The following PRIMPOL variants were observed in gnomAD, a reference collection of about 807,000 sequenced individuals.
PRIMPOL encodes the protein DNA-directed primase/polymerase protein.
In PRIMPOL, 54 loss-of-function variants were observed where a neutral mutation model predicts 63.6. That is an observed-to-expected ratio of 0.85 (90% CI 0.68 to 1.07). PRIMPOL has a LOEUF of 1.07. Among genes scored for constraint, PRIMPOL ranks in the 50% least tolerant of loss-of-function variants. The probability of loss-of-function intolerance (pLI) is 0.00; values close to 1 mark genes in which losing one functional copy is unlikely to be tolerated. For missense variants in PRIMPOL, 610 were observed against 648.3 expected (o/e 0.94, Z 0.64); for synonymous variants, 197 against 220.2 (o/e 0.89, Z 0.93).
At chr4:184,690,642 T>A (rs1237811585) in intron 11 of PRIMPOL, among the ~76,000 whole-genome samples, 2 of 152,160 alleles carry the variant, frequency 1.3e-5, no homozygotes, top group Non-Finnish European at 1.5e-5. Flanking sequence ...GTATTTTCAG[T>A]ATAGACGGGG....
intron 7 of PRIMPOL, among the ~76,000 whole-genome samples, chr4:184,674,278 T>C (rs1427584871): frequency 1.3e-5 from 2 of 152,180 alleles, no homozygotes; most frequent in Non-Finnish European, 2.9e-5. Flanking sequence ...TTTCATAATA[T>C]ATGCTGAAAT....
intron 11 of PRIMPOL, among the ~76,000 whole-genome samples, chr4:184,686,925 C>T (rs1385722970): frequency 1.3e-5 from 2 of 152,134 alleles, no homozygotes; most frequent in African/African-American, 4.8e-5. Context: ...TATCAGTTGA[C>T]GTTTCTTCTG....
rs1262426256 is a variant in PRIMPOL, at chr4:184,665,967, A to G, written c.459A>G (p.Glu153=). The change falls in exon 6 of 14, where the codon GAA becomes GAG. Residue 153 remains glutamate, a synonymous_variant. Coordinates refer to ENST00000314970, the MANE Select transcript of PRIMPOL (RefSeq NM_152683.4). ...QELYGVNCSA[E]DVLNLDSSTD... ...TATACGGTGTTAATTGCTCAGCTGA[A>G]GATGTTTTGAACTTGGATTCTAGCA... 1.2e-6 allele frequency: 2 copies of G among 1,610,896 alleles called. No homozygotes were observed. Among genetic ancestry groups the G allele is most frequent in the African/African-American group, 2.7e-5 (2 of 74,990 alleles).
chr4:184,669,962 G>C (rs1260937483), intron 6 of PRIMPOL, among the ~76,000 whole-genome samples: 1 of 152,198 alleles, frequency 6.6e-6, no homozygotes, highest in East Asian at 1.9e-4. Context: ...AGAGAATTCA[G>C]TTAAATGTAA....
intron 10 of PRIMPOL, 29 bp downstream of exon 10, chr4:184,685,527 G>T (rs758471902): frequency 5.7e-6 from 9 of 1,592,280 alleles, no homozygotes; most frequent in Non-Finnish European, 7.8e-6. Flanking sequence ...TTTGTTAACT[G>T]TTATATGATA....
At chr4:184,678,474 G>T in intron 8 of PRIMPOL, 80 bp downstream of exon 8, 25 of 842,520 alleles carry the variant, frequency 3.0e-5, no homozygotes, top group Non-Finnish European at 3.4e-5. Flanking sequence ...TTACTAAAAT[G>T]TAAATCATCT....
chr4:184,652,844 A>G (rs995666550), intron 2 of PRIMPOL, among the ~76,000 whole-genome samples: 1 of 150,216 alleles, frequency 6.7e-6, no homozygotes, highest in Admixed American at 6.7e-5. Flanking sequence ...CAGTGATGAG[A>G]AAAAAAGAAA....
chr4:184,667,918 G>A (rs144125473), intron 6 of PRIMPOL, among the ~76,000 whole-genome samples: 1 of 152,234 alleles, frequency 6.6e-6, no homozygotes, highest in East Asian at 1.9e-4. Context: ...AGGTGCATGA[G>A]CCGTGTGGTT....
rs2696045 is a variant in PRIMPOL at position 184,674,818 on chromosome 4, G to T, written c.844+2358G>T. Among the ~76,000 whole-genome samples the T allele has an allele frequency of 3.4e-3, 525 of 152,280 alleles. 5 individuals are homozygous for T. The highest frequency in any genetic ancestry group is 0.012 in the African/African-American group (507 of 41,548). On this transcript the variant is annotated intron_variant, in intron 7 of 13. Coordinates refer to ENST00000314970, the MANE Select transcript of PRIMPOL (RefSeq NM_152683.4). Reference sequence around the variant, plus strand: ...TGTATTTGTCGATACTGTAAGTTTAGGTCATCTGTTTACACGACGAATCAT... The same window carrying T: ...TGTATTTGTCGATACTGTAAGTTTATGTCATCTGTTTACACGACGAATCAT...
chr4:184,654,380 C>T (rs558250612), intron 2 of PRIMPOL, among the ~76,000 whole-genome samples: 1 of 151,706 alleles, frequency 6.6e-6, no homozygotes, highest in South Asian at 2.1e-4. Context: ...GCACGTGAAG[C>T]AGATCAAAGT....
At chr4:184,686,392 C>A (rs992404989) in intron 11 of PRIMPOL, among the ~76,000 whole-genome samples, 5 of 152,094 alleles carry the variant, frequency 3.3e-5, no homozygotes, top group Non-Finnish European at 2.9e-5. Flanking sequence ...GAAGGGATCT[C>A]CTCAGTTAGT....
intron 6 of PRIMPOL, among the ~76,000 whole-genome samples, chr4:184,667,319 C>CTT (rs10661298): frequency 0.99 from 149,100 of 150,680 alleles, 73,783 homozygotes; most frequent in South Asian, 1. Flanking sequence ...GAAAGTGAGA[C>CTT]TTTTTTTTTG....
At position 184,651,012 on chromosome 4, in the gene PRIMPOL, C is replaced by G. The variant is rs570404917; in HGVS notation, c.-137-1011C>G. ...GGCCGAGTTTAAAGAGGTTAAGTCC[C>G]GGCGCGGTGGCTCATGCCTGTAATC... On this transcript the variant is annotated intron_variant, in intron 1 of 13. Transcript: ENST00000314970. Among the ~76,000 whole-genome samples the G allele has an allele frequency of 3.3e-5, 5 of 151,792 alleles. No individual in the cohort carries two copies. The South Asian group carries it at 8.3e-4, about 25-fold the overall frequency.
At chr4:184,694,329 C>T in intron 13 of PRIMPOL, 193 bp from the exon 14 acceptor site, 2 of 1,353,454 alleles carry the variant, frequency 1.5e-6, no homozygotes, top group Non-Finnish European at 1.9e-6. Flanking sequence ...TGTGTCTGAG[C>T]TTCAGTGCAG....
Position 184,657,287 on chromosome 4 carries a change from T to C in PRIMPOL, c.147T>C (p.Ala49=). The part of the protein sequence containing the change: ...PSIWRLFHRQ[A]QAFNFVKSCK... ...TCTGGAGACTATTTCATCGACAAGCTCAAGCTTTTAATTTTGTTAAAAGCT... is the reference window on the plus strand; with the variant it reads ...TCTGGAGACTATTTCATCGACAAGCCCAAGCTTTTAATTTTGTTAAAAGCT... The change falls in exon 3 of 14, where the codon GCT becomes GCC. Residue 49 remains alanine, a synonymous_variant. Coordinates refer to ENST00000314970, the MANE Select transcript of PRIMPOL (RefSeq NM_152683.4). 6.2e-7 allele frequency: 1 copy of C among 1,611,820 alleles called. No homozygotes were observed. The highest frequency in any genetic ancestry group is 8.5e-7 in the Non-Finnish European group (1 of 1,179,248).
rs1034757510 is a variant in PRIMPOL at position 184,685,665 on chromosome 4, C to T, written c.1276C>T (p.His426Tyr). Residue 426 changes from histidine to tyrosine, a missense_variant, in exon 11 of 14, where the codon CAT becomes TAT. His to Tyr is a moderately conservative substitution (Grantham distance 83). This residue lies in a region of PRIMPOL where 444 missense variants were observed against 456.4 expected (regional missense o/e 0.97). Coordinates refer to ENST00000314970, the MANE Select transcript of PRIMPOL (RefSeq NM_152683.4). The part of the protein sequence containing the change: ...YRWCENIGRA[H>Y]KSNNIMILVD... ...GTGGTGTGAAAACATTGGAAGAGCC[C>T]ATAAGAGTAATAATATAATGTAAGT... 1.5e-5 allele frequency: 23 copies of T among 1,537,566 alleles called. No homozygotes were observed. Among genetic ancestry groups the T allele is most frequent in the Non-Finnish European group, 2.0e-5 (22 of 1,111,874 alleles).
intron 6 of PRIMPOL, among the ~76,000 whole-genome samples, chr4:184,671,827 C>G (rs1018097843): frequency 6.6e-6 from 1 of 151,464 alleles, no homozygotes; most frequent in Non-Finnish European, 1.5e-5. Context: ...ACTGCAAGCT[C>G]CGCTTCCTGG....
intron 13 of PRIMPOL, among the ~76,000 whole-genome samples, chr4:184,692,802 G>A (rs548895189): frequency 1.6e-4 from 25 of 152,116 alleles, no homozygotes; most frequent in Non-Finnish European, 3.7e-4. Flanking sequence ...TGTTTACCTC[G>A]AATCACTACC....
intron 11 of PRIMPOL, among the ~76,000 whole-genome samples, chr4:184,690,076 C>G (rs1758090603): frequency 6.6e-6 from 1 of 152,146 alleles, no homozygotes; most frequent in Admixed American, 6.6e-5. Context: ...ACCTCCCCAT[C>G]CCACACCTCA....
Sources: allele counts gnomAD v4.1 joint callset (sites outside exome capture counted in the v4.1 genomes callset), GRCh38; gene constraint gnomAD v4.1.1; regional missense constraint gnomAD v4.1.1; transcripts MANE v1.5; gene names NCBI Gene and HGNC (gene_info 2026-07-23, HGNC 2026-07-21).